Variants in GPC6 observed in about 807,000 individuals in gnomAD.
GPC6 encodes the protein glypican-6.
Under a neutral mutation model 55.2 loss-of-function variants are expected in GPC6, and 14 were observed. The ratio of observed to expected loss-of-function variants is 0.25; its 90% CI spans 0.17 to 0.40. GPC6 has a LOEUF of 0.40. GPC6 is among the 10% of genes least tolerant of loss of function. The pLI is 1.00. For missense variants in GPC6, 641 were observed against 708.5 expected, an observed-to-expected ratio of 0.90 and a Z score of 1.08; for synonymous variants, 278 against 259.6, an observed-to-expected ratio of 1.07 and a Z score of -0.68.
chr13:93,561,838 A>G (rs1355439127), intron 2 of GPC6, among the ~76,000 whole-genome samples: 1 of 152,154 alleles, frequency 6.6e-6, no homozygotes, highest in Non-Finnish European at 1.5e-5. Flanking sequence ...AAAATATGCC[A>G]TTTGCCTTCC....
At chr13:94,230,627 C>A (rs1033492533) in intron 4 of GPC6, among the ~76,000 whole-genome samples, 1 of 152,132 alleles carries the variant, frequency 6.6e-6, no homozygotes, top group African/African-American at 2.4e-5. Flanking sequence ...GTCTCAGTAG[C>A]TGGGCATCCC....
intron 4 of GPC6, among the ~76,000 whole-genome samples, chr13:94,149,381 C>T (rs1337831582): frequency 6.6e-6 from 1 of 152,148 alleles, no homozygotes; most frequent in African/African-American, 2.4e-5. Context: ...AAAAGTCTTA[C>T]TAATGTCAGT....
intron 1 of GPC6, among the ~76,000 whole-genome samples, chr13:93,292,086 T>A (rs1878337063): frequency 6.6e-6 from 1 of 152,218 alleles, no homozygotes; most frequent in Non-Finnish European, 1.5e-5. Context: ...TATTTCACAA[T>A]GATAAATAAA....
intron 5 of GPC6, among the ~76,000 whole-genome samples, chr13:94,305,599 C>T (rs1454654113): frequency 6.6e-6 from 1 of 152,204 alleles, no homozygotes; most frequent in Non-Finnish European, 1.5e-5. Flanking sequence ...AGAGTGTCTT[C>T]TCCAACCTCA....
intron 2 of GPC6, among the ~76,000 whole-genome samples, chr13:93,674,566 A>G (rs1473444634): frequency 1.3e-5 from 2 of 152,192 alleles, no homozygotes; most frequent in Admixed American, 6.5e-5. Context: ...CATTTGAAAG[A>G]CACAACACAG....
chr13:93,514,220 A>C (rs2139389486), intron 1 of GPC6, among the ~76,000 whole-genome samples: 1 of 152,162 alleles, frequency 6.6e-6, no homozygotes, highest in Non-Finnish European at 1.5e-5. Flanking sequence ...TTATTTGAGA[A>C]GTTGGTTGGC....
At chr13:93,922,776 C>T (rs533551075) in intron 3 of GPC6, among the ~76,000 whole-genome samples, 60 of 152,318 alleles carry the variant, frequency 3.9e-4, no homozygotes, top group African/African-American at 1.1e-3. Flanking sequence ...TTTAGGTTCT[C>T]ATTCCAAAAC....
intron 1 of GPC6, among the ~76,000 whole-genome samples, chr13:93,297,976 G>A (rs1878550660): frequency 6.6e-6 from 1 of 152,142 alleles, no homozygotes; most frequent in African/African-American, 2.4e-5. Context: ...GATAAAATAT[G>A]GAGTAACAAA....
chr13:93,443,631 A>T (rs1286323655), intron 1 of GPC6, among the ~76,000 whole-genome samples: 1 of 152,172 alleles, frequency 6.6e-6, no homozygotes, highest in East Asian at 1.9e-4. Context: ...TGAGAGTGAA[A>T]TTTTTTCGTG....
chr13:93,381,052 T>C (rs1875147946), intron 1 of GPC6, among the ~76,000 whole-genome samples: 1 of 152,172 alleles, frequency 6.6e-6, no homozygotes, highest in Admixed American at 6.5e-5. Flanking sequence ...GCATAAATTG[T>C]GAGTCAGTCT....
chr13:93,260,479 G>A (rs902959126), intron 1 of GPC6, among the ~76,000 whole-genome samples: 2 of 151,964 alleles, frequency 1.3e-5, no homozygotes, highest in African/African-American at 4.8e-5. Flanking sequence ...AATATCTTTG[G>A]CTAACAGACG....
intron 4 of GPC6, among the ~76,000 whole-genome samples, chr13:94,085,812 T>A (rs1255224176): frequency 2.0e-5 from 3 of 152,312 alleles, no homozygotes; most frequent in African/African-American, 7.2e-5. Flanking sequence ...TTACTATATA[T>A]GTTGCTCTAC....
At chr13:93,373,869 A>G (rs538493565) in intron 1 of GPC6, among the ~76,000 whole-genome samples, 17 of 152,326 alleles carry the variant, frequency 1.1e-4, no homozygotes, top group African/African-American at 4.1e-4. Flanking sequence ...AATATAACTC[A>G]GTAACAAGGA....
intron 2 of GPC6, among the ~76,000 whole-genome samples, chr13:93,732,427 C>T (rs1160195068): frequency 3.3e-5 from 5 of 152,064 alleles, no homozygotes; most frequent in Non-Finnish European, 5.9e-5. Context: ...AGCAATGAGA[C>T]CCCTGGGAGC....
intron 1 of GPC6, among the ~76,000 whole-genome samples, chr13:93,519,773 G>A (rs1881337688): frequency 6.6e-6 from 1 of 151,888 alleles, no homozygotes; most frequent in Admixed American, 6.6e-5. Context: ...GTAATTAAAA[G>A]AAAAATCTAA....
At chr13:93,228,520 C>T (rs1207248498) in intron 1 of GPC6, among the ~76,000 whole-genome samples, 1 of 152,182 alleles carries the variant, frequency 6.6e-6, no homozygotes, top group Admixed American at 6.5e-5. Context: ...GTGTGTGTAG[C>T]ACTTGGTCTC....
At chr13:94,222,959 C>A (rs1238329098) in intron 4 of GPC6, among the ~76,000 whole-genome samples, 5 of 152,000 alleles carry the variant, frequency 3.3e-5, no homozygotes, top group African/African-American at 7.2e-5. Flanking sequence ...TCAGAGATAG[C>A]CCCTCTAACT....
intron 2 of GPC6, among the ~76,000 whole-genome samples, chr13:93,826,403 CGACT>C (rs1170954584): frequency 1.3e-5 from 2 of 152,066 alleles, no homozygotes; most frequent in African/African-American, 4.8e-5. Context: ...GCTATAATCT[CGACT>C]GACTAATGAC....
At chr13:94,055,310 A>G (rs984130372) in intron 4 of GPC6, among the ~76,000 whole-genome samples, 5 of 152,212 alleles carry the variant, frequency 3.3e-5, no homozygotes, top group African/African-American at 1.2e-4. Flanking sequence ...CAAGAATAAT[A>G]TTGCAAACTG....
Sources: gnomAD v4.1 joint callset for allele counts (sites outside exome capture counted in the v4.1 genomes callset) on GRCh38, gnomAD v4.1.1 for gene constraint, MANE v1.5 for transcripts, NCBI Gene and HGNC (gene_info 2026-07-23, HGNC 2026-07-21) for gene names.